Variants in TP53BP1 observed in about 807,000 individuals in gnomAD.
TP53BP1 encodes TP53-binding protein 1.
TP53BP1 carries 61 observed loss-of-function variants against 200.8 expected under a neutral mutation model. That is an observed-to-expected ratio of 0.30 (90% confidence interval 0.25 to 0.38). The LOEUF (loss-of-function observed/expected upper bound fraction) is 0.38. Among genes scored for constraint, TP53BP1 ranks in the 10% least tolerant of loss-of-function variants. The pLI is 1.00. For synonymous variants in TP53BP1, 822 were observed against 844.3 expected, an observed-to-expected ratio of 0.97 and a Z score of 0.46; for missense variants, 2,144 against 2,371.9, an observed-to-expected ratio of 0.90 and a Z score of 2.00.
intron 11 of TP53BP1, among the ~76,000 whole-genome samples, chr15:43,461,381 A>G (rs1202064832): frequency 6.6e-6 from 1 of 151,638 alleles, no homozygotes; most frequent in Non-Finnish European, 1.5e-5. Context: ...CACCACACCT[A>G]ATTTTTTAGT....
chr15:43,480,855 G>A (rs761306970), intron 5 of TP53BP1, 40 bp downstream of exon 5: 5 of 1,609,842 alleles, frequency 3.1e-6, no homozygotes, highest in African/African-American at 2.7e-5. Context: ...TTAAAGGGAA[G>A]TTAGAACAGT....
intron 4 of TP53BP1, among the ~76,000 whole-genome samples, chr15:43,481,951 G>C (rs941142343): frequency 3.3e-5 from 5 of 152,028 alleles, no homozygotes; most frequent in Non-Finnish European, 1.5e-5. Flanking sequence ...ACACCGACCA[G>C]GCACGGTGGC....
At chr15:43,472,852 G>A (rs1292415382) in intron 10 of TP53BP1, among the ~76,000 whole-genome samples, 1 of 152,218 alleles carries the variant, frequency 6.6e-6, no homozygotes, top group Non-Finnish European at 1.5e-5. Context: ...GGGGGATGGT[G>A]TGTCCAGAAT....
In TP53BP1 at chr15:43,408,131, T is replaced by G. The variant is rs370738779; in HGVS notation, c.5601-43A>C. ...AAGGACCTTAGCATGACAAGTAATA[T>G]CCAACAAACTGCCTTTCTGCAAAGG... On this transcript the variant is annotated intron_variant, in intron 26 of 27. Coordinates refer to ENST00000382044, the MANE Select transcript of TP53BP1 (RefSeq NM_001141980.3). 14 of 1,590,520 alleles carry G rather than the reference T, an allele frequency of 8.8e-6. No individual in the cohort carries two copies. The African/African-American group carries it at 9.5e-5, about 11-fold the overall frequency.
chr15:43,423,249 G>C (rs2045447511), intron 18 of TP53BP1, among the ~76,000 whole-genome samples: 1 of 151,016 alleles, frequency 6.6e-6, no homozygotes, highest in Non-Finnish European at 1.5e-5. Context: ...AGAAATTATA[G>C]CATGAGTATG....
intron 4 of TP53BP1, among the ~76,000 whole-genome samples, chr15:43,484,613 C>T (rs773322507): frequency 6.6e-6 from 1 of 152,212 alleles, no homozygotes; most frequent in Non-Finnish European, 1.5e-5. Flanking sequence ...CTCTTAGTCA[C>T]TCCACTACAG....
At chr15:43,509,523 C>T (rs998918474) in intron 1 of TP53BP1, among the ~76,000 whole-genome samples, 1 of 152,140 alleles carries the variant, frequency 6.6e-6, no homozygotes, top group East Asian at 1.9e-4. Flanking sequence ...GTTCTCCTGC[C>T]TCAGCCTCCC....
At position 43,491,984 on chromosome 15, in the gene TP53BP1, T is replaced by G. The variant is rs749047825; in HGVS notation, c.286+18A>C. The G allele has an allele frequency of 1.9e-6, 3 of 1,592,296 alleles. No individual in the cohort carries two copies. The highest frequency in any genetic ancestry group is 3.3e-5 in the Admixed American group (2 of 59,960). Reference sequence around the variant, plus strand: ...ACCCAAAAAATGCAAAGGGGACAGATAGCTTTAAACACCTCACCTGCAACC... The same window carrying G: ...ACCCAAAAAATGCAAAGGGGACAGAGAGCTTTAAACACCTCACCTGCAACC... On this transcript the variant is annotated intron_variant, in intron 3 of 27. Transcript: ENST00000382044.
chr15:43,474,641 C>G, intron 10 of TP53BP1, 32 bp downstream of exon 10: 1 of 1,474,178 alleles, frequency 6.8e-7, no homozygotes. Context: ...CTCTTCTAAT[C>G]TGAGATCAAC....
chr15:43,413,868 AC>A (rs1198802220), intron 23 of TP53BP1, among the ~76,000 whole-genome samples: 2 of 152,140 alleles, frequency 1.3e-5, no homozygotes, highest in Non-Finnish European at 2.9e-5. Context: ...ACTGACCGTC[AC>A]CAGAATGGTG....
Position 43,441,647 on chromosome 15 carries a change from T to A in TP53BP1, c.3041-64A>T, listed in dbSNP as rs949551258. 6.3e-6 allele frequency: 7 copies of A among 1,104,812 alleles called. No individual in the cohort carries two copies. The African/African-American group carries it at 1.1e-4, about 17-fold the overall frequency. The allele number at this position is 1,104,812 out of a possible 1,614,324, so 68.4% of individuals were successfully genotyped here. On this transcript the variant is annotated intron_variant, in intron 14 of 27. Coordinates refer to ENST00000382044, the MANE Select transcript of TP53BP1 (RefSeq NM_001141980.3). ...AACAGAATTTAGTTAGTATCACACCTAAACCTTCACTCTGCTCTACTAGTA... is the reference window on the plus strand; with the variant it reads ...AACAGAATTTAGTTAGTATCACACCAAAACCTTCACTCTGCTCTACTAGTA...
chr15:43,507,756 C>T (rs1283975319), intron 1 of TP53BP1, among the ~76,000 whole-genome samples: 1 of 151,290 alleles, frequency 6.6e-6, no homozygotes, highest in Non-Finnish European at 1.5e-5. Flanking sequence ...AAGAGGCTTG[C>T]TCTGTTGCCC....
At position 43,405,304 on chromosome 15, in the gene TP53BP1, A is replaced by G; in HGVS notation, c.*2079T>C. On this transcript the variant is annotated 3_prime_UTR_variant, in exon 28 of 28. Transcript: ENST00000382044. ...CATCCCATTCTAGCCACACACAAATAAATATCTGCGGCTTAGTGATAGGAC... is the reference window on the plus strand; with the variant it reads ...CATCCCATTCTAGCCACACACAAATGAATATCTGCGGCTTAGTGATAGGAC... 1 of 1,467,788 alleles carries G rather than the reference A, an allele frequency of 6.8e-7. No homozygotes were observed. The highest frequency in any genetic ancestry group is 9.5e-7 in the Non-Finnish European group (1 of 1,049,646). 90.9% of individuals were successfully genotyped at this position (1,467,788 alleles called of 1,614,324 possible).
chr15:43,413,426 C>T (rs2045180105), intron 23 of TP53BP1, 92 bp from the exon 24 acceptor site: 1 of 1,017,984 alleles, frequency 9.8e-7, no homozygotes, highest in Non-Finnish European at 1.5e-6. Flanking sequence ...CCAAGCATGA[C>T]CTGATGGGCA....
At position 43,456,273 on chromosome 15, in the gene TP53BP1, G is replaced by T; in HGVS notation, c.2335C>A (p.Pro779Thr). The stretch of plus-strand genomic sequence containing the variant: ...GAGCACTTCTCCACTCCCTCCAAAG[G>T]TTCACAAGAAACATCAACTCTGGGA... ...PSPRVDVSCE[P>T]LEGVEKCSDS... Residue 779 changes from proline (P) to threonine (T), a missense_variant, in exon 12 of 28, where the codon CCT becomes ACT. Physicochemically the swap from Pro to Thr is conservative, Grantham distance 38 (BLOSUM62 -1). This residue lies in a region of TP53BP1 where 1,700 missense variants were observed against 1,710.3 expected (regional missense o/e 0.99). Transcript: ENST00000382044. The T allele has an allele frequency of 2.5e-6, 4 of 1,614,058 alleles. No individual in the cohort carries two copies. Among genetic ancestry groups the T allele is most frequent in the Non-Finnish European group, 3.4e-6 (4 of 1,180,026 alleles).
At position 43,409,168 on chromosome 15, in the gene TP53BP1, A is replaced by G; in HGVS notation, c.5401-72T>C. 5 of 1,407,332 alleles carry G rather than the reference A, an allele frequency of 3.6e-6. 1 individual carries two copies. The East Asian group carries it at 1.2e-4, about 32-fold the overall frequency. 87.2% of individuals were successfully genotyped at this position (1,407,332 alleles called of 1,614,324 possible). A position where few individuals can be genotyped will look rare whatever the true frequency, so the allele number is the denominator to read the frequency against. On this transcript the variant is annotated intron_variant, in intron 25 of 27. Transcript: ENST00000382044. ...AAGCTCCTAAGCAGCAGCCATAATG[A>G]GCCATGAAGAGCAGATCTGAAGACT...
At position 43,479,910 on chromosome 15, in the gene TP53BP1, C is replaced by G; in HGVS notation, c.607G>C (p.Val203Leu). 6.2e-7 allele frequency: 1 copy of G among 1,614,168 alleles called. No individual in the cohort carries two copies. The highest frequency in any genetic ancestry group is 1.1e-5 in the South Asian group (1 of 91,080). ...YEVDKEQLQS[V>L]TTNSGYTRLS... The stretch of plus-strand genomic sequence containing the variant: ...CTGGTATAACCAGAGTTGGTGGTTA[C>G]TGATTGTAGCTGCTCTTTGTCCACT... The change falls in exon 6 of 28, where the codon GTA (valine) becomes CTA (leucine). Residue 203 changes from valine to leucine, a missense_variant. Coordinates refer to ENST00000382044, the MANE Select transcript of TP53BP1 (RefSeq NM_001141980.3).
At chr15:43,434,008 T>C (rs45629234) in intron 16 of TP53BP1, among the ~76,000 whole-genome samples, 2 of 152,162 alleles carry the variant, frequency 1.3e-5, no homozygotes, top group Non-Finnish European at 2.9e-5. Flanking sequence ...GGTTTCTATA[T>C]TGTTTAGCTC....
At chr15:43,510,035 T>C (rs938345397) in intron 1 of TP53BP1, among the ~76,000 whole-genome samples, 1 of 152,018 alleles carries the variant, frequency 6.6e-6, no homozygotes, top group Non-Finnish European at 1.5e-5. Flanking sequence ...CAGCACTTTT[T>C]TACAAAGATG....
Sources: allele counts gnomAD v4.1 joint callset (sites outside exome capture counted in the v4.1 genomes callset), GRCh38; gene constraint gnomAD v4.1.1; regional missense constraint gnomAD v4.1.1; transcripts MANE v1.5; gene names NCBI Gene and HGNC (gene_info 2026-07-23, HGNC 2026-07-21).